The following TNIP3 variants were observed in gnomAD, a reference collection of about 807,000 sequenced individuals.
The protein encoded by TNIP3 is TNFAIP3-interacting protein 3.
TNIP3 carries 34 observed loss-of-function variants against 54.1 expected under a neutral mutation model. The ratio of observed to expected loss-of-function variants is 0.63; its 90% confidence interval spans 0.48 to 0.84. TNIP3 has a LOEUF of 0.84. TNIP3 is among the 40% of genes least tolerant of loss of function. The pLI, the probability that TNIP3 is intolerant of heterozygous loss-of-function variation, is 0.00. For missense variants in TNIP3, 366 were observed against 387.6 expected, an observed-to-expected ratio of 0.94 and a Z score of 0.47; for synonymous variants, 134 against 136.8, an observed-to-expected ratio of 0.98 and a Z score of 0.14.
At chr4:121,194,772 T>C (rs1725474993) in intron 2 of TNIP3, among the ~76,000 whole-genome samples, 1 of 152,008 alleles carries the variant, frequency 6.6e-6, no homozygotes, top group Admixed American at 6.6e-5. Context: ...AATAAACAAA[T>C]AGGCTCTGTT....
intron 3 of TNIP3, among the ~76,000 whole-genome samples, chr4:121,175,698 T>C (rs1724274373): frequency 6.6e-6 from 1 of 152,254 alleles, no homozygotes; most frequent in Non-Finnish European, 1.5e-5. Context: ...AAAGTGTGTC[T>C]TATTTATCAA....
chr4:121,151,440 G>A (rs1241573704), intron 5 of TNIP3, among the ~76,000 whole-genome samples: 1 of 152,124 alleles, frequency 6.6e-6, no homozygotes, highest in Non-Finnish European at 1.5e-5. Flanking sequence ...TGTCTAGCCT[G>A]ATATGAATAT....
intron 10 of TNIP3, among the ~76,000 whole-genome samples, chr4:121,136,973 A>G (rs920775739): frequency 6.6e-6 from 1 of 151,888 alleles, no homozygotes; most frequent in Admixed American, 6.6e-5. Flanking sequence ...AGCTCACTAC[A>G]TTTTTCCTAG....
At chr4:121,200,339 A>G (rs17435444) in intron 2 of TNIP3, among the ~76,000 whole-genome samples, 7,505 of 152,148 alleles carry the variant, frequency 0.049, 275 homozygotes, top group South Asian at 0.17. Context: ...ACAGTCCAAG[A>G]TTTCTCAAAA....
intron 2 of TNIP3, among the ~76,000 whole-genome samples, chr4:121,186,925 A>G (rs114751556): frequency 0.025 from 3,824 of 152,318 alleles, 159 homozygotes; most frequent in African/African-American, 0.086. Flanking sequence ...TTTAATTAAT[A>G]TAGGAATTTG....
At chr4:121,200,908 G>A (rs1206039426) in intron 2 of TNIP3, among the ~76,000 whole-genome samples, 4 of 152,120 alleles carry the variant, frequency 2.6e-5, no homozygotes, top group African/African-American at 9.7e-5. Context: ...TAAACCCGGA[G>A]GGAAGTGTCA....
chr4:121,182,634 G>A (rs1395393090), intron 3 of TNIP3: 3 of 1,530,860 alleles, frequency 2.0e-6, no homozygotes, highest in Non-Finnish European at 2.6e-6. Context: ...ATAAACTGCT[G>A]AAGGGTACAT....
rs557348563 is a variant in TNIP3 at position 121,153,012 on chromosome 4, T to C, written c.492+1539A>G. Among the ~76,000 whole-genome samples, 4 of 152,046 alleles carry C rather than the reference T, an allele frequency of 2.6e-5. No homozygotes were observed. In the South Asian group the frequency reaches 8.3e-4, roughly 31 times the overall value. ...GATAGTAATAAATTCCAAGGAAAAA[T>C]TAAACCGGGAAATACCAGTAGTATA... On this transcript the variant is annotated intron_variant, in intron 5 of 10. Transcript: ENST00000057513.
At chr4:121,136,857 G>GA (rs11338982) in intron 10 of TNIP3, among the ~76,000 whole-genome samples, 1,323 of 58,628 alleles carry the variant, frequency 0.023, 23 homozygotes, top group Non-Finnish European at 0.026. Flanking sequence ...GACTGTCTCC[G>GA]AAAAAAAAAA....
chr4:121,141,322 A>G (rs561546565), intron 9 of TNIP3, among the ~76,000 whole-genome samples: 26 of 152,370 alleles, frequency 1.7e-4, no homozygotes, highest in Admixed American at 1.6e-3. Flanking sequence ...AGACACAGCC[A>G]TGGAGAACAA....
chr4:121,144,314 C>T (rs1486640552), intron 7 of TNIP3, among the ~76,000 whole-genome samples: 1 of 152,082 alleles, frequency 6.6e-6, no homozygotes, highest in Non-Finnish European at 1.5e-5. Context: ...TTAAACATGC[C>T]CCCTCTTCTA....
intron 3 of TNIP3, among the ~76,000 whole-genome samples, chr4:121,158,148 G>T (rs917922395): frequency 6.6e-6 from 1 of 152,048 alleles, no homozygotes; most frequent in Non-Finnish European, 1.5e-5. Context: ...ATTAAAGGAG[G>T]TTTTCTTCCA....
intron 2 of TNIP3, among the ~76,000 whole-genome samples, chr4:121,211,950 C>T (rs931788206): frequency 6.6e-6 from 1 of 152,164 alleles, no homozygotes; most frequent in African/African-American, 2.4e-5. Context: ...GAAGTAAAAG[C>T]TGAGTGATTT....
chr4:121,136,857 G>GAAAAAA (rs11338982), intron 10 of TNIP3, among the ~76,000 whole-genome samples: 1 of 58,926 alleles, frequency 1.7e-5, no homozygotes, highest in Non-Finnish European at 3.2e-5. Context: ...GACTGTCTCC[G>GAAAAAA]AAAAAAAAAA....
At chr4:121,162,847 A>G (rs1730535442) in intron 1 of TNIP3, among the ~76,000 whole-genome samples, 1 of 152,236 alleles carries the variant, frequency 6.6e-6, no homozygotes, top group South Asian at 2.1e-4. Flanking sequence ...TAGGGAATAA[A>G]TTATGGGTCC....
intron 2 of TNIP3, among the ~76,000 whole-genome samples, chr4:121,211,067 G>A (rs773954032): frequency 6.6e-6 from 1 of 152,096 alleles, no homozygotes; most frequent in East Asian, 1.9e-4. Flanking sequence ...GAACTTACAT[G>A]GTTAGAACAA....
chr4:121,171,813 C>T (rs1326262859), intron 3 of TNIP3, among the ~76,000 whole-genome samples: 2 of 152,308 alleles, frequency 1.3e-5, no homozygotes, highest in African/African-American at 4.8e-5. Flanking sequence ...TCACCGCAAC[C>T]TCTGCCTCCT....
At chr4:121,175,587 A>G (rs6838000) in intron 3 of TNIP3, among the ~76,000 whole-genome samples, 23,818 of 152,178 alleles carry the variant, frequency 0.16, 2,137 homozygotes, top group Middle Eastern at 0.24. Flanking sequence ...GACAATCTGC[A>G]TCTCCCAGTT....
chr4:121,138,478 G>C (rs1236498781), intron 10 of TNIP3, 146 bp downstream of exon 10: 5 of 694,860 alleles, frequency 7.2e-6, no homozygotes, highest in African/African-American at 5.4e-5. Context: ...TTTAACCCCA[G>C]GTGCATCAAA....
Sources: gnomAD v4.1 joint callset for allele counts (sites outside exome capture counted in the v4.1 genomes callset) on GRCh38, gnomAD v4.1.1 for gene constraint, MANE v1.5 for transcripts, NCBI Gene and HGNC (gene_info 2026-07-23, HGNC 2026-07-21) for gene names.